The following ARMCX4 variants were observed in gnomAD, a reference collection of about 807,000 sequenced individuals.
ARMCX4 encodes the protein armadillo repeat-containing X-linked protein 4.
ARMCX4 carries 3 observed loss-of-function variants against 34.7 expected under a neutral mutation model. That is an observed-to-expected ratio of 0.09 (90% CI 0.04 to 0.22). The LOEUF is 0.22. ARMCX4 is among the 10% of genes least tolerant of loss of function. The probability of loss-of-function intolerance (pLI) is 1.00; values close to 1 mark genes in which losing one functional copy is unlikely to be tolerated. For missense variants in ARMCX4, 1,448 were observed against 1,720.8 expected, an observed-to-expected ratio of 0.84 and a Z score of 2.81; for synonymous variants, 513 against 632.8, an observed-to-expected ratio of 0.81 and a Z score of 2.84.
In ARMCX4 at chrX:101,495,187, T is replaced by C. The variant is rs192622289; in HGVS notation, c.6598T>C (p.Leu2200=). 3.5e-5 allele frequency: 40 copies of C among 1,150,429 alleles called. No individual in the cohort carries two copies. The highest frequency in any genetic ancestry group is 4.3e-5 in the Non-Finnish European group (37 of 868,504). 94.8% of individuals were successfully genotyped at this position (1,150,429 alleles called of 1,213,427 possible). A position where few individuals can be genotyped will look rare whatever the true frequency, so the allele number is the denominator to read the frequency against. The change falls in exon 6 of 6, where the codon TTG becomes CTG. Residue 2200 remains leucine (L), a synonymous_variant. Transcript: ENST00000423738. ...TAAAAATCCATCTATGACAAAAGAC[T>C]TGCTCATTGCCAATGCACCAACATC... ...FSKNPSMTKD[L]LIANAPTSLI... is the part of the protein sequence containing the mutation.
At chrX:101,496,237 G>A (rs1159677147), downstream of ARMCX4, among the ~76,000 whole-genome samples, 11 of 110,438 alleles carry the variant, frequency 1.0e-4, no homozygotes, top group African/African-American at 3.6e-4. Flanking sequence ...ATCCACCCCT[G>A]GGAGACATCA....
chrX:101,485,491 G>A lies in ARMCX4; in HGVS notation c.-476G>A. ...GGCTACCAGCTCCCCGCTGCCCTGCGCTCGGCGGGCTGGCATCGGGCCCGG... is the reference window on the plus strand; with the variant it reads ...GGCTACCAGCTCCCCGCTGCCCTGCACTCGGCGGGCTGGCATCGGGCCCGG... On this transcript the variant is annotated 5_prime_UTR_variant, in exon 1 of 6. Transcript: ENST00000423738. The A allele has an allele frequency of 1.4e-6, 1 of 699,418 alleles. No individual in the cohort carries two copies. Among genetic ancestry groups the A allele is most frequent in the Non-Finnish European group, 1.7e-6 (1 of 588,885 alleles). 57.6% of individuals were successfully genotyped at this position (699,418 alleles called of 1,213,427 possible).
In ARMCX4 at chrX:101,490,484, C is replaced by T; in HGVS notation, c.1895C>T (p.Ala632Val). The T allele has an allele frequency of 1.7e-6, 2 of 1,154,937 alleles. No homozygotes were observed. The highest frequency in any genetic ancestry group is 2.3e-6 in the Non-Finnish European group (2 of 872,600). Residue 632 changes from alanine to valine, a missense_variant, in exon 6 of 6, where the codon GCA becomes GTA. By Grantham distance (64) the Ala-to-Val change is moderately conservative (BLOSUM62 0). Around this residue, in one of 2 missense-constraint regions of ARMCX4, gnomAD observed 1,343 missense variants for 1,540.7 expected, o/e 0.87. Coordinates refer to ENST00000423738, the MANE Select transcript of ARMCX4 (RefSeq NM_001256155.3). Reference protein sequence around the residue: ...EGTTDSAQPEAVVSFQGEALL... With the variant: ...EGTTDSAQPEVVVSFQGEALL... ...ACAACAGACTCTGCCCAGCCTGAGG[C>T]AGTGGTCAGTTTCCAGGGTGAGGCC... is the stretch of plus-strand genomic sequence containing the variant.
chrX:101,494,496 A>G lies in ARMCX4; in HGVS notation c.5907A>G (p.Lys1969=). 1 of 1,155,616 alleles carries G rather than the reference A, an allele frequency of 8.7e-7. No individual in the cohort carries two copies. Among genetic ancestry groups the G allele is most frequent in the Non-Finnish European group, 1.1e-6 (1 of 872,771 alleles). Residue 1969 remains lysine (K), a synonymous_variant, in exon 6 of 6, where the codon AAA becomes AAG. Coordinates refer to ENST00000423738, the MANE Select transcript of ARMCX4 (RefSeq NM_001256155.3). ...EDKSAPKAKA[K]KSSESRGIYP... is the part of the protein sequence containing the mutation. Reference sequence around the variant, plus strand: ...AATCTGCACCTAAGGCTAAAGCCAAAAAGTCATCTGAGTCAAGAGGCATAT... The same window carrying G: ...AATCTGCACCTAAGGCTAAAGCCAAGAAGTCATCTGAGTCAAGAGGCATAT...
rs1317505107 is a variant in ARMCX4, at chrX:101,532,029, T to A, written c.*2149+17T>A. ...CATTTAATGGTAAGTGAAGTGCACA[T>A]CCAAAGATTCACTAGTCTTTACTAC... On this transcript the variant is annotated intron_variant and NMD_transcript_variant, in intron 12 of 12. Transcript: ENST00000354842. 5 of 111,949 alleles carry A rather than the reference T, an allele frequency of 4.5e-5. No individual in the cohort carries two copies. In the Admixed American group the frequency reaches 4.7e-4, roughly 11 times the overall value. 9.2% of individuals were successfully genotyped at this position (111,949 alleles called of 1,213,427 possible).
At chrX:101,458,508 A>G (rs1253826561) in intron 4 of ARMCX4, among the ~76,000 whole-genome samples, 1 of 104,438 alleles carries the variant, frequency 9.6e-6, no homozygotes, top group Non-Finnish European at 1.9e-5. Flanking sequence ...TTAATTCAAT[A>G]TCCCCCCCCT....
intron 2 of ARMCX4, among the ~76,000 whole-genome samples, chrX:101,420,344 G>C (rs1428807653): frequency 9.0e-6 from 1 of 110,900 alleles, no homozygotes; most frequent in Non-Finnish European, 1.9e-5. Flanking sequence ...GGGTGACAGA[G>C]TGGGCCTCCG....
In ARMCX4 at chrX:101,492,229, G is replaced by A. The variant is rs1556009564; in HGVS notation, c.3640G>A (p.Gly1214Arg). The change falls in exon 6 of 6, where the codon GGG becomes AGG. Residue 1214 changes from glycine to arginine, a missense_variant. Physicochemically the swap from Gly to Arg is moderately radical, Grantham distance 125. Transcript: ENST00000423738. ...GDKASGGAWT[G>R]AENQASGGSW... is the part of the protein sequence containing the mutation. ...CAAGGCCAGTGGAGGAGCCTGGACT[G>A]GGGCTGAGAACCAGGCCAGTGGGGG... The A allele has an allele frequency of 8.8e-7, 1 of 1,140,569 alleles. No individual in the cohort carries two copies. The highest frequency in any genetic ancestry group is 1.2e-6 in the Non-Finnish European group (1 of 865,199). 94.0% of individuals were successfully genotyped at this position (1,140,569 alleles called of 1,213,427 possible).
chrX:101,503,122 T>C, intron 7 of ARMCX4, among the ~76,000 whole-genome samples: 1 of 109,930 alleles, frequency 9.1e-6, no homozygotes, highest in Admixed American at 9.7e-5. Flanking sequence ...AATTCATCCT[T>C]TTTTATGGCT....
chrX:101,444,095 T>G (rs1209461072), exon 3 of ARMCX4: 4 of 331,711 alleles, frequency 1.2e-5, no homozygotes, highest in African/African-American at 8.0e-5. Flanking sequence ...GAACTTTGTC[T>G]ACAAACAGTT....
chrX:101,456,216 T>C (rs1932276513), intron 4 of ARMCX4, among the ~76,000 whole-genome samples: 1 of 112,271 alleles, frequency 8.9e-6, no homozygotes, highest in African/African-American at 3.2e-5. Flanking sequence ...GTCGTTCAAC[T>C]CTAGTTCTTT....
intron 11 of ARMCX4, among the ~76,000 whole-genome samples, chrX:101,512,785 CACATATATAT>C (rs1164957868): frequency 4.0e-5 from 4 of 100,316 alleles, no homozygotes; most frequent in East Asian, 6.1e-4. Flanking sequence ...TATATATATA[CACATATATAT>C]ACATATATAC....
chrX:101,443,079 C>T (rs145181008), intron 2 of ARMCX4, among the ~76,000 whole-genome samples: 5,356 of 96,959 alleles, frequency 0.055, 118 homozygotes, highest in Middle Eastern at 0.11. Context: ...TGCAGTGAGC[C>T]GAGATCGTGC....
intron 4 of ARMCX4, among the ~76,000 whole-genome samples, chrX:101,463,773 G>A (rs906024049): frequency 7.3e-5 from 8 of 110,274 alleles, no homozygotes; most frequent in African/African-American, 1.3e-4. Context: ...ATTGAGAGGC[G>A]GTCTCACTGT....
In ARMCX4 at chrX:101,490,093, G is replaced by A. The variant is rs782351023; in HGVS notation, c.1504G>A (p.Glu502Lys). 2,768 of 1,154,548 alleles carry A rather than the reference G, an allele frequency of 2.4e-3. 3 individuals are homozygous for A. Among genetic ancestry groups the A allele is most frequent in the Non-Finnish European group, 3.0e-3 (2,582 of 872,697 alleles). The change falls in exon 6 of 6, where the codon GAA (glutamate) becomes AAA (lysine). Residue 502 changes from glutamate to lysine, a missense_variant. Transcript: ENST00000423738. ...VRGNVNTMPKEGAGVDMKAQG... is the reference protein window; with the variant it reads ...VRGNVNTMPKKGAGVDMKAQG... ...GGGCAATGTCAATACCATGCCTAAG[G>A]AAGGAGCTGGGGTGGATATGAAGGC...
chrX:101,435,783 C>T (rs1216554108), intron 2 of ARMCX4, among the ~76,000 whole-genome samples: 1 of 110,450 alleles, frequency 9.1e-6, no homozygotes, highest in Non-Finnish European at 1.9e-5. Flanking sequence ...TTAGGTCTAA[C>T]ATGTAAGTCT....
Position 101,492,034 on chromosome X carries a change from G to A in ARMCX4, c.3445G>A (p.Gly1149Arg). The change falls in exon 6 of 6, where the codon GGG (glycine) becomes AGG (arginine). Residue 1149 changes from glycine to arginine, a missense_variant. Gly to Arg is a moderately radical substitution (Grantham distance 125). This residue lies in a region of ARMCX4 where 1,343 missense variants were observed against 1,540.7 expected (regional missense o/e 0.87). Transcript: ENST00000423738. ...CTGGAGTGGGGCTAGTGATAAGGCT[G>A]GGATTATTCGGTCTTGGGCTGTGGC... ...GSWSGASDKA[G>R]IIRSWAVACD... is the part of the protein sequence containing the mutation. 5 of 1,154,379 alleles carry A rather than the reference G, an allele frequency of 4.3e-6. No individual in the cohort carries two copies. The highest frequency in any genetic ancestry group is 5.7e-6 in the Non-Finnish European group (5 of 871,903).
intron 2 of ARMCX4, among the ~76,000 whole-genome samples, chrX:101,433,274 A>G (rs1322897430): frequency 2.8e-5 from 3 of 108,571 alleles, no homozygotes; most frequent in Non-Finnish European, 3.8e-5. Context: ...ATATGTACAC[A>G]TGTACGTACA....
At chrX:101,438,704 G>C (rs1482468509) in intron 2 of ARMCX4, among the ~76,000 whole-genome samples, 2 of 111,855 alleles carry the variant, frequency 1.8e-5, no homozygotes, top group African/African-American at 3.3e-5. Context: ...TTGTTGAATT[G>C]ATACCTTTAC....
Sources: allele counts gnomAD v4.1 joint callset (sites outside exome capture counted in the v4.1 genomes callset), GRCh38; gene constraint gnomAD v4.1.1; regional missense constraint gnomAD v4.1.1; transcripts MANE v1.5; gene names NCBI Gene and HGNC (gene_info 2026-07-23, HGNC 2026-07-21).